EPS15: variants seen among roughly 807,000 people sequenced by gnomAD.
The protein encoded by EPS15 is epidermal growth factor receptor substrate 15.
A neutral mutation model predicts 113.8 loss-of-function variants in EPS15; 72 were observed. That is an observed-to-expected ratio of 0.63 (90% CI 0.52 to 0.77). EPS15 has a LOEUF of 0.77. EPS15 is among the 30% of genes least tolerant of loss of function. EPS15 has a pLI of 0.00. For missense variants in EPS15, 1,048 were observed against 1,045.8 expected (o/e 1.00, Z -0.03); for synonymous variants, 344 against 363.4 (o/e 0.95, Z 0.61).
chr1:51,506,779 T>C (rs922652334), intron 1 of EPS15, among the ~76,000 whole-genome samples: 2 of 139,072 alleles, frequency 1.4e-5, no homozygotes, highest in African/African-American at 5.4e-5. Context: ...CGCATAAAAG[T>C]GTGCCAGAAA....
intron 7 of EPS15, 134 bp downstream of exon 7, chr1:51,463,539 C>A: frequency 5.6e-6 from 3 of 532,096 alleles, no homozygotes; most frequent in Admixed American, 3.6e-5. Flanking sequence ...AGTCAGAAAA[C>A]AAAAAATCCT....
At chr1:51,472,530 T>TTA (rs1655316162) in intron 3 of EPS15, among the ~76,000 whole-genome samples, 1 of 152,284 alleles carries the variant, frequency 6.6e-6, no homozygotes, top group South Asian at 2.1e-4. Flanking sequence ...GAGACAGTTA[T>TTA]AACAGAGGAA....
At chr1:51,512,729 A>G (rs569879249) in intron 1 of EPS15, among the ~76,000 whole-genome samples, 1 of 152,296 alleles carries the variant, frequency 6.6e-6, no homozygotes, top group East Asian at 1.9e-4. Flanking sequence ...AATTGTTTGA[A>G]ATCTTTCTGA....
intron 24 of EPS15, among the ~76,000 whole-genome samples, chr1:51,358,279 A>C (rs928865242): frequency 6.6e-6 from 1 of 150,642 alleles, no homozygotes; most frequent in Non-Finnish European, 1.5e-5. Flanking sequence ...CGACGGAGTG[A>C]GCCAAAAAAA....
intron 13 of EPS15, among the ~76,000 whole-genome samples, chr1:51,413,949 C>T (rs1223125790): frequency 6.6e-6 from 1 of 151,960 alleles, no homozygotes; most frequent in African/African-American, 2.4e-5. Context: ...GGGGTTTTAC[C>T]ATGTTGCCCA....
chr1:51,420,399 A>G (rs999696250), intron 13 of EPS15, among the ~76,000 whole-genome samples: 2 of 152,206 alleles, frequency 1.3e-5, no homozygotes, highest in Non-Finnish European at 2.9e-5. Flanking sequence ...AATACTGTCT[A>G]TCACAAGAAC....
chr1:51,451,306 T>C (rs895314469), intron 8 of EPS15, among the ~76,000 whole-genome samples: 11 of 151,486 alleles, frequency 7.3e-5, no homozygotes, highest in African/African-American at 2.7e-4. Context: ...CTGGCCAACA[T>C]GGTAAAACTC....
At chr1:51,462,897 T>TTTTTTTTTTTG (rs1654577709) in intron 7 of EPS15, among the ~76,000 whole-genome samples, 1 of 132,220 alleles carries the variant, frequency 7.6e-6, no homozygotes, top group African/African-American at 2.9e-5. Flanking sequence ...TTTTTTTTTC[T>TTTTTTTTTTTG]AAGACAGTCT....
At chr1:51,504,080 A>G (rs1185178723) in intron 1 of EPS15, among the ~76,000 whole-genome samples, 1 of 152,188 alleles carries the variant, frequency 6.6e-6, no homozygotes, top group East Asian at 1.9e-4. Context: ...ACAAGCAACA[A>G]AAGAAAAATA....
At chr1:51,477,323 G>A (rs1365593001) in intron 2 of EPS15, among the ~76,000 whole-genome samples, 1 of 151,876 alleles carries the variant, frequency 6.6e-6, no homozygotes, top group African/African-American at 2.4e-5. Context: ...TTTTTATTGT[G>A]TCTATTTGAT....
chr1:51,424,116 T>C lies in EPS15; in HGVS notation c.1041-2258A>G, dbSNP rs145202060. Among the ~76,000 whole-genome samples, 167 of 152,326 alleles carry C rather than the reference T, an allele frequency of 1.1e-3. 1 individual carries two copies. Among genetic ancestry groups the C allele is most frequent in the African/African-American group, 4.0e-3 (165 of 41,574 alleles). On this transcript the variant is annotated intron_variant, in intron 12 of 24. Transcript: ENST00000371733. ...TCTGGTCTTACAATATTCCTTTTAT[T>C]AGCACAACCAAGTAGTATAACATAT... is the stretch of plus-strand genomic sequence containing the variant.
chr1:51,405,111 C>T (rs992535426), intron 16 of EPS15, among the ~76,000 whole-genome samples: 1 of 152,182 alleles, frequency 6.6e-6, no homozygotes, highest in Non-Finnish European at 1.5e-5. Context: ...TTTATGAACC[C>T]CCTCCAAACT....
At chr1:51,459,420 T>A (rs934113528) in intron 8 of EPS15, among the ~76,000 whole-genome samples, 8 of 152,058 alleles carry the variant, frequency 5.3e-5, no homozygotes, top group African/African-American at 1.2e-4. Context: ...TCGTCGAACT[T>A]GGGAGGCGGT....
intron 24 of EPS15, among the ~76,000 whole-genome samples, chr1:51,359,482 G>A (rs1225666505): frequency 1.3e-5 from 2 of 150,354 alleles, no homozygotes; most frequent in Non-Finnish European, 3.0e-5. Context: ...AAGTAAGGCT[G>A]GGCGCGATGG....
At chr1:51,495,053 C>A (rs957673247) in intron 1 of EPS15, among the ~76,000 whole-genome samples, 7 of 152,166 alleles carry the variant, frequency 4.6e-5, no homozygotes, top group Non-Finnish European at 8.8e-5. Context: ...AGAAAGGGGT[C>A]CACTGGACTT....
At chr1:51,468,119 CG>C (rs1489187059) in intron 5 of EPS15, among the ~76,000 whole-genome samples, 6 of 152,004 alleles carry the variant, frequency 3.9e-5, no homozygotes, top group Admixed American at 3.3e-4. Flanking sequence ...CCAACACACT[CG>C]GCTAAATTTT....
At chr1:51,501,838 C>G (rs549829271) in intron 1 of EPS15, among the ~76,000 whole-genome samples, 2 of 152,234 alleles carry the variant, frequency 1.3e-5, no homozygotes, top group East Asian at 3.9e-4. Flanking sequence ...GAACTTCCCA[C>G]CCCCTGGTTC....
chr1:51,457,373 G>A (rs1370698439), intron 8 of EPS15, among the ~76,000 whole-genome samples: 1 of 151,986 alleles, frequency 6.6e-6, no homozygotes, highest in African/African-American at 2.4e-5. Context: ...TTTTGCTAGA[G>A]TAATGGTTGA....
At chr1:51,477,898 T>C (rs1002738318) in intron 2 of EPS15, among the ~76,000 whole-genome samples, 6 of 152,268 alleles carry the variant, frequency 3.9e-5, no homozygotes, top group African/African-American at 1.4e-4. Flanking sequence ...TTGGAATAGG[T>C]GTGGTGTGGT....
Sources: allele counts gnomAD v4.1 joint callset (sites outside exome capture counted in the v4.1 genomes callset), GRCh38; gene constraint gnomAD v4.1.1; transcripts MANE v1.5; gene names NCBI Gene and HGNC (gene_info 2026-07-23, HGNC 2026-07-21).